The following LRP1B variants were observed in gnomAD, a reference collection of about 807,000 sequenced individuals.
LRP1B encodes the protein LDL receptor related protein 1B, also known as low-density lipoprotein receptor-related protein 1B.
A neutral mutation model predicts 556.6 loss-of-function variants in LRP1B; 217 were observed. The ratio of observed to expected loss-of-function variants is 0.39; its 90% CI spans 0.35 to 0.44. The LOEUF is 0.44. Ranked by LOEUF, LRP1B falls within the 20% of genes least tolerant of loss-of-function variation. The pLI, the probability that LRP1B is intolerant of heterozygous loss-of-function variation, is 1.00. For synonymous variants in LRP1B, 2,047 were observed against 1,865.8 expected, an observed-to-expected ratio of 1.10 and a Z score of -2.50; for missense variants, 5,053 against 5,620.8, an observed-to-expected ratio of 0.90 and a Z score of 3.23.
rs190476969 is a variant in LRP1B at position 140,282,202 on chromosome 2, A to G, written c.12968-7604T>C. On this transcript the variant is annotated intron_variant, in intron 84 of 90. Coordinates refer to ENST00000389484, the MANE Select transcript of LRP1B (RefSeq NM_018557.3). The stretch of plus-strand genomic sequence containing the variant: ...CCACCAATTTCCAATGGTGCCCTCT[A>G]TCTAGGTTTAGCACCTTCTTTTAGT... Among the ~76,000 whole-genome samples the G allele has an allele frequency of 9.2e-5, 14 of 151,886 alleles. No homozygotes were observed. In the East Asian group the frequency reaches 2.5e-3, roughly 28 times the overall value.
intron 1 of LRP1B, among the ~76,000 whole-genome samples, chr2:142,120,591 A>G (rs573072702): frequency 1.3e-5 from 2 of 152,334 alleles, no homozygotes; most frequent in South Asian, 4.1e-4. Flanking sequence ...CTCTTTCTTT[A>G]AAACACTGCA....
intron 6 of LRP1B, among the ~76,000 whole-genome samples, chr2:141,195,317 A>G (rs1487206434): frequency 2.0e-5 from 3 of 152,106 alleles, no homozygotes; most frequent in Non-Finnish European, 4.4e-5. Flanking sequence ...TTTTAGCTCC[A>G]GTTAAGATGC....
At chr2:140,510,679 A>C (rs1689614459) in intron 51 of LRP1B, among the ~76,000 whole-genome samples, 1 of 152,206 alleles carries the variant, frequency 6.6e-6, no homozygotes, top group East Asian at 1.9e-4. Flanking sequence ...TCCATCTTGT[A>C]GTACCAAAAA....
chr2:141,050,533 T>G (rs2105448366), intron 10 of LRP1B, among the ~76,000 whole-genome samples: 1 of 152,164 alleles, frequency 6.6e-6, no homozygotes, highest in South Asian at 2.1e-4. Flanking sequence ...TTGTGTGTTG[T>G]TCCCCTCCCT....
rs1707209027 is a variant in LRP1B, at chr2:142,115,654, ATATGTAAT to A, written c.82+14986_82+14993del. 2.4e-4 allele frequency among the ~76,000 whole-genome samples: 2 copies of A among 8,208 alleles called. 1 individual carries two copies. The highest frequency in any genetic ancestry group is 5.9e-4 in the Non-Finnish European group (2 of 3,412). The allele number at this position is 8,208 out of a possible 152,430, so 5.4% of individuals were successfully genotyped here. On this transcript the variant is annotated intron_variant, in intron 1 of 90. Transcript: ENST00000389484. Reference sequence around the variant, plus strand: ...ATATTATATATGTAATATATATATTATATGTAATATATATATGTAATATATATATAATA... The same window carrying A: ...ATATTATATATGTAATATATATATTAATATATATGTAATATATATATAATA...
intron 2 of LRP1B, among the ~76,000 whole-genome samples, chr2:141,724,330 T>C (rs1692949558): frequency 1.3e-5 from 2 of 151,984 alleles, no homozygotes; most frequent in Admixed American, 1.3e-4. Context: ...AGGTTTGATT[T>C]GGTGTAATTC....
chr2:140,489,895 T>A (rs1688628736), intron 57 of LRP1B, among the ~76,000 whole-genome samples: 1 of 152,092 alleles, frequency 6.6e-6, no homozygotes, highest in African/African-American at 2.4e-5. Context: ...GTAAGTCAAC[T>A]ATAATAAATT....
chr2:141,688,280 C>T (rs1184066055), intron 2 of LRP1B, among the ~76,000 whole-genome samples: 6 of 151,630 alleles, frequency 4.0e-5, no homozygotes, highest in African/African-American at 1.2e-4. Flanking sequence ...CATGTGTTTA[C>T]GTTAATAATA....
intron 12 of LRP1B, among the ~76,000 whole-genome samples, chr2:141,018,615 C>A (rs1697978166): frequency 6.6e-6 from 1 of 152,046 alleles, no homozygotes; most frequent in African/African-American, 2.4e-5. Context: ...TTGGGCACAA[C>A]AAAGACTCTT....
chr2:140,572,252 G>A (rs1183925763), intron 43 of LRP1B, among the ~76,000 whole-genome samples: 2 of 151,346 alleles, frequency 1.3e-5, no homozygotes, highest in African/African-American at 4.8e-5. Flanking sequence ...TTTGGTAAGT[G>A]ATTAATATCC....
chr2:141,932,641 C>G (rs1700537489), intron 1 of LRP1B, among the ~76,000 whole-genome samples: 1 of 151,942 alleles, frequency 6.6e-6, no homozygotes. Flanking sequence ...AACTACAGAA[C>G]TCAAAGGTGA....
In LRP1B at chr2:142,038,030, G is replaced by A. The variant is rs144996604; in HGVS notation, c.82+92618C>T. On this transcript the variant is annotated intron_variant, in intron 1 of 90. Coordinates refer to ENST00000389484, the MANE Select transcript of LRP1B (RefSeq NM_018557.3). ...TTTAAGGGATATTCATCTTCTAGTA[G>A]TTTCTACTAGATCCAGTTCTATTCT... Among the ~76,000 whole-genome samples, 19 of 151,470 alleles carry A rather than the reference G, an allele frequency of 1.3e-4. No homozygotes were observed. In the East Asian group the frequency reaches 3.7e-3, roughly 30 times the overall value.
chr2:141,673,029 A>G (rs1290030629), intron 2 of LRP1B, among the ~76,000 whole-genome samples: 1 of 151,868 alleles, frequency 6.6e-6, no homozygotes, highest in East Asian at 1.9e-4. Context: ...AGTCGCCTAT[A>G]TCACTGTAAG....
In LRP1B at chr2:141,650,707, G is replaced by A. The variant is rs569538141; in HGVS notation, c.205+159572C>T. On this transcript the variant is annotated intron_variant, in intron 2 of 90. Coordinates refer to ENST00000389484, the MANE Select transcript of LRP1B (RefSeq NM_018557.3). The stretch of plus-strand genomic sequence containing the variant: ...TATTTGAAGAATACAATGAAGTTGT[G>A]GGAAGCACACCGAAATGAAGAAAAA... 2.0e-3 allele frequency among the ~76,000 whole-genome samples: 298 copies of A among 152,206 alleles called. 2 individuals carry two copies. Among genetic ancestry groups the A allele is most frequent in the Non-Finnish European group, 3.5e-3 (241 of 68,010 alleles).
intron 41 of LRP1B, among the ~76,000 whole-genome samples, chr2:140,622,482 C>G (rs146040608): frequency 9.2e-5 from 14 of 152,028 alleles, no homozygotes; most frequent in African/African-American, 3.4e-4. Flanking sequence ...TCCTGTCAGT[C>G]GGTTTGTATA....
intron 1 of LRP1B, among the ~76,000 whole-genome samples, chr2:142,121,654 CACATT>C (rs1312332018): frequency 1.3e-5 from 2 of 152,106 alleles, no homozygotes; most frequent in Non-Finnish European, 2.9e-5. Flanking sequence ...TGTCCTCAGT[CACATT>C]ACATTATTTT....
intron 21 of LRP1B, among the ~76,000 whole-genome samples, chr2:140,910,721 G>C (rs750067505): frequency 6.6e-6 from 1 of 151,638 alleles, no homozygotes; most frequent in Non-Finnish European, 1.5e-5. Context: ...AATTAAAAAA[G>C]GTAAACTAAA....
At chr2:140,899,340 C>T (rs1242588248) in intron 23 of LRP1B, among the ~76,000 whole-genome samples, 1 of 152,142 alleles carries the variant, frequency 6.6e-6, no homozygotes, top group Non-Finnish European at 1.5e-5. Context: ...CCATTTGAGT[C>T]ATGGGTATGA....
intron 2 of LRP1B, among the ~76,000 whole-genome samples, chr2:141,781,511 C>T (rs1055218453): frequency 6.6e-6 from 1 of 152,146 alleles, no homozygotes; most frequent in South Asian, 2.1e-4. Context: ...ACTCTAGCTG[C>T]TAGTGAAAGT....
Sources: allele counts gnomAD v4.1 joint callset (sites outside exome capture counted in the v4.1 genomes callset), GRCh38; gene constraint gnomAD v4.1.1; transcripts MANE v1.5; gene names NCBI Gene and HGNC (gene_info 2026-07-23, HGNC 2026-07-21).